Variants in ROBO2 observed in about 807,000 individuals in gnomAD.
ROBO2 encodes the protein roundabout homolog 2.
ROBO2 carries 53 observed loss-of-function variants against 160.8 expected under a neutral mutation model. The ratio of observed to expected loss-of-function variants is 0.33; its 90% CI spans 0.26 to 0.41. ROBO2 has a LOEUF of 0.41. Among genes scored for constraint, ROBO2 ranks in the 10% least tolerant of loss-of-function variants. ROBO2 has a pLI of 1.00. For missense variants in ROBO2, 1,577 were observed against 1,722.4 expected (o/e 0.92, Z 1.49); for synonymous variants, 664 against 611.7 (o/e 1.09, Z -1.26).
intron 2 of ROBO2, among the ~76,000 whole-genome samples, chr3:76,204,399 AG>A (rs1373791003): frequency 1.3e-5 from 2 of 152,112 alleles, no homozygotes; most frequent in African/African-American, 4.8e-5. Context: ...ATTAACTTAC[AG>A]GTTTGAATTA....
chr3:76,274,023 T>G (rs1345866618), intron 2 of ROBO2, among the ~76,000 whole-genome samples: 1 of 152,126 alleles, frequency 6.6e-6, no homozygotes, highest in Admixed American at 6.6e-5. Context: ...CGCACTCCCA[T>G]GTAGAGGTAC....
intron 12 of ROBO2, among the ~76,000 whole-genome samples, chr3:77,566,857 A>G (rs1397118533): frequency 1.3e-5 from 2 of 152,058 alleles, no homozygotes; most frequent in Non-Finnish European, 2.9e-5. Flanking sequence ...CAGCTTTGCA[A>G]TCTGCAAAGC....
chr3:76,098,912 G>C (rs2069568000), intron 2 of ROBO2, among the ~76,000 whole-genome samples: 1 of 152,050 alleles, frequency 6.6e-6, no homozygotes. Flanking sequence ...ATTTTTCTTA[G>C]GCACGATATG....
chr3:77,541,603 C>A (rs1245316131), intron 6 of ROBO2, among the ~76,000 whole-genome samples: 1 of 152,134 alleles, frequency 6.6e-6, no homozygotes, highest in African/African-American at 2.4e-5. Context: ...ACATACTTTC[C>A]TTATAGAGCT....
At chr3:76,892,460 C>T (rs2074423234) in intron 2 of ROBO2, among the ~76,000 whole-genome samples, 1 of 152,134 alleles carries the variant, frequency 6.6e-6, no homozygotes, top group African/African-American at 2.4e-5. Flanking sequence ...TACTGTCAGC[C>T]CATCTAGTGC....
In ROBO2 at chr3:77,617,610, A is replaced by C. The variant is rs1460365501; in HGVS notation, c.3391A>C (p.Thr1131Pro). 3 of 1,614,020 alleles carry C rather than the reference A, an allele frequency of 1.9e-6. No individual in the cohort carries two copies. In the African/African-American group the frequency reaches 4.0e-5, roughly 22 times the overall value. Residue 1131 changes from threonine (T) to proline (P), a missense_variant, in exon 22 of 26, where the codon ACA becomes CCA. Transcript: ENST00000461745. The stretch of plus-strand genomic sequence containing the variant: ...GGAAGAAGATGATGATAGGGTCCCA[A>C]CACCTCCTGTTCGAGGCGTGGCTTC...
intron 2 of ROBO2, among the ~76,000 whole-genome samples, chr3:76,717,241 C>A (rs560819840): frequency 3.3e-5 from 5 of 151,802 alleles, no homozygotes; most frequent in Admixed American, 6.6e-5. Context: ...CGCCTGTAAT[C>A]CCTGCACTTT....
intron 2 of ROBO2, among the ~76,000 whole-genome samples, chr3:77,351,274 A>G (rs932619083): frequency 1.3e-5 from 2 of 152,202 alleles, no homozygotes; most frequent in African/African-American, 2.4e-5. Context: ...ATCAAAACAT[A>G]CTGGCATTGT....
intron 1 of ROBO2, among the ~76,000 whole-genome samples, chr3:77,076,642 A>C (rs549179648): frequency 6.6e-6 from 1 of 152,284 alleles, no homozygotes; most frequent in African/African-American, 2.4e-5. Context: ...AACTTGAATA[A>C]AACTGTTCAA....
intron 2 of ROBO2, among the ~76,000 whole-genome samples, chr3:76,384,854 G>T (rs1047226558): frequency 1.3e-5 from 2 of 152,136 alleles, no homozygotes; most frequent in Non-Finnish European, 2.9e-5. Flanking sequence ...GAGGATTAGG[G>T]GAACTACAAT....
intron 2 of ROBO2, among the ~76,000 whole-genome samples, chr3:76,749,032 A>G (rs1258040564): frequency 6.6e-6 from 1 of 151,926 alleles, no homozygotes. Context: ...ATGGTAGAAT[A>G]TTTAATGACA....
intron 2 of ROBO2, among the ~76,000 whole-genome samples, chr3:77,171,805 G>A (rs77652315): frequency 0.1 from 15,717 of 152,046 alleles, 1,165 homozygotes; most frequent in African/African-American, 0.21. Flanking sequence ...ATTTCCTTCC[G>A]TTCCATTGCT....
chr3:77,037,263 A>C (rs746077143), upstream of ROBO2, among the ~76,000 whole-genome samples: 1 of 152,160 alleles, frequency 6.6e-6, no homozygotes, highest in African/African-American at 2.4e-5. Context: ...CTTTTAAAAA[A>C]CCAGTTATGA....
chr3:76,591,576 G>A (rs893827203), intron 2 of ROBO2, among the ~76,000 whole-genome samples: 3 of 152,068 alleles, frequency 2.0e-5, no homozygotes, highest in Middle Eastern at 3.2e-3. Context: ...ATCCTCAGGT[G>A]TTATAAACTC....
At chr3:76,109,237 T>G (rs2070100104) in intron 2 of ROBO2, among the ~76,000 whole-genome samples, 1 of 111,356 alleles carries the variant, frequency 9.0e-6, no homozygotes, top group Admixed American at 8.2e-5. Flanking sequence ...ATGAAAATGC[T>G]TTTTTTCATA....
chr3:77,286,835 G>A (rs1044437698), intron 2 of ROBO2, among the ~76,000 whole-genome samples: 4 of 152,094 alleles, frequency 2.6e-5, no homozygotes, highest in Non-Finnish European at 5.9e-5. Context: ...TTTGTTTGTG[G>A]CATTCTGGCC....
intron 2 of ROBO2, among the ~76,000 whole-genome samples, chr3:76,463,676 G>T (rs2078210719): frequency 6.6e-6 from 1 of 152,090 alleles, no homozygotes; most frequent in Admixed American, 6.6e-5. Flanking sequence ...GCCTAATCTA[G>T]GTCCTAGACA....
At chr3:76,973,314 C>G (rs919680949) in intron 2 of ROBO2, among the ~76,000 whole-genome samples, 1 of 152,176 alleles carries the variant, frequency 6.6e-6, no homozygotes, top group African/African-American at 2.4e-5. Flanking sequence ...AAAATTATCA[C>G]TTTACCTATT....
intron 8 of ROBO2, among the ~76,000 whole-genome samples, chr3:77,552,867 G>T (rs1257218100): frequency 1.3e-5 from 2 of 151,918 alleles, no homozygotes; most frequent in African/African-American, 2.4e-5. Flanking sequence ...TTTCATACAG[G>T]TTAATGATTT....
Sources: gnomAD v4.1 joint callset for allele counts (sites outside exome capture counted in the v4.1 genomes callset) on GRCh38, gnomAD v4.1.1 for gene constraint, MANE v1.5 for transcripts, NCBI Gene and HGNC (gene_info 2026-07-23, HGNC 2026-07-21) for gene names.